The following PDK1 variants were observed in gnomAD, a reference collection of about 807,000 sequenced individuals.
The protein encoded by PDK1 is pyruvate dehydrogenase kinase 1, also known as [Pyruvate dehydrogenase (acetyl-transferring)] kinase isozyme 1, mitochondrial.
Under a neutral mutation model 54.2 loss-of-function variants are expected in PDK1, and 39 were observed. That is an observed-to-expected ratio of 0.72 (90% CI 0.56 to 0.94). The LOEUF (loss-of-function observed/expected upper bound fraction) is 0.94. Among genes scored for constraint, PDK1 ranks in the 40% least tolerant of loss-of-function variants. PDK1 has a pLI of 0.00. For missense variants in PDK1, 552 were observed against 566.0 expected (o/e 0.98, Z 0.25); for synonymous variants, 221 against 207.1 (o/e 1.07, Z -0.58).
chr2:172,617,377 C>G, the PDK1 span, among the ~76,000 whole-genome samples: 10 of 152,134 alleles, frequency 6.6e-5, no homozygotes, highest in East Asian at 1.9e-3. Flanking sequence ...ATATTCCCCT[C>G]TAGTCTATTT....
At position 172,602,689 on chromosome 2, in the gene PDK1, T is replaced by C. The variant is rs1363373624; in HGVS notation, c.*6720T>C. ...AACTCTGACCTAATATTTTGGAGCATAGAGGAAAGAAACATCTTATGTTTC... is the reference window on the plus strand; with the variant it reads ...AACTCTGACCTAATATTTTGGAGCACAGAGGAAAGAAACATCTTATGTTTC... On this transcript the variant is annotated 3_prime_UTR_variant, in exon 11 of 11. Coordinates refer to ENST00000282077, the MANE Select transcript of PDK1 (RefSeq NM_002610.5). 1 of 152,158 alleles carries C rather than the reference T, an allele frequency of 6.6e-6. No individual in the cohort carries two copies. The highest frequency in any genetic ancestry group is 1.5e-5 in the Non-Finnish European group (1 of 68,028). 9.4% of individuals were successfully genotyped at this position (152,158 alleles called of 1,614,324 possible).
chr2:172,623,080 G>A, the PDK1 span, among the ~76,000 whole-genome samples: 2 of 151,768 alleles, frequency 1.3e-5, no homozygotes, highest in Non-Finnish European at 2.9e-5. Context: ...AACCCAGGAG[G>A]TGGAGGTTGC....
chr2:172,650,685 T>C, the PDK1 span, among the ~76,000 whole-genome samples: 1 of 151,896 alleles, frequency 6.6e-6, no homozygotes, highest in South Asian at 2.1e-4. Context: ...GCAATCCTAG[T>C]CTCTGATAAA....
At chr2:172,677,654 C>T in the PDK1 span, 1 of 152,064 alleles carries the variant, frequency 6.6e-6, no homozygotes, top group African/African-American at 2.4e-5. Context: ...TTTCACAGCT[C>T]TGTTAAAGCA....
chr2:172,646,080 G>A, the PDK1 span, among the ~76,000 whole-genome samples: 1 of 152,184 alleles, frequency 6.6e-6, no homozygotes, highest in African/African-American at 2.4e-5. Context: ...TAATTGCACA[G>A]TGTGCACTGC....
At chr2:172,698,985 T>C in the PDK1 span, among the ~76,000 whole-genome samples, 3 of 152,196 alleles carry the variant, frequency 2.0e-5, no homozygotes, top group Non-Finnish European at 4.4e-5. Context: ...GTGCCTTGAC[T>C]CAAAATCTCC....
chr2:172,719,781 A>G, the PDK1 span, among the ~76,000 whole-genome samples: 1 of 151,900 alleles, frequency 6.6e-6, no homozygotes, highest in African/African-American at 2.4e-5. Context: ...TGCCTTCTCC[A>G]TTTAGAGCCT....
chr2:172,564,448 G>T, intron 3 of PDK1, 55 bp from the exon 4 acceptor site: 1 of 1,405,528 alleles, frequency 7.1e-7, no homozygotes, highest in Admixed American at 1.9e-5. Context: ...TTATATTTTT[G>T]TATTAAGTTT....
chr2:172,639,215 T>C, the PDK1 span, among the ~76,000 whole-genome samples: 1 of 152,172 alleles, frequency 6.6e-6, no homozygotes, highest in African/African-American at 2.4e-5. Context: ...TTTTTCCTGC[T>C]TTTGGAGCAA....
chr2:172,566,709 AAAAG>A (rs1181882287), intron 5 of PDK1, 143 bp from the exon 6 acceptor site: 8 of 515,952 alleles, frequency 1.6e-5, no homozygotes, highest in Non-Finnish European at 2.7e-5. Flanking sequence ...AAAAAAAAAA[AAAAG>A]CAGACTTTCA....
chr2:172,610,587 C>T (rs1010552422), downstream of PDK1, among the ~76,000 whole-genome samples: 6 of 152,082 alleles, frequency 3.9e-5, no homozygotes, highest in African/African-American at 1.2e-4. Flanking sequence ...AATCAATTTC[C>T]TACATCAAAT....
the PDK1 span, among the ~76,000 whole-genome samples, chr2:172,648,513 A>G: frequency 6.6e-6 from 1 of 152,154 alleles, no homozygotes; most frequent in Non-Finnish European, 1.5e-5. Flanking sequence ...CAGAGGGTGC[A>G]GCCCACAGAG....
chr2:172,694,149 G>A, the PDK1 span, among the ~76,000 whole-genome samples: 1 of 152,160 alleles, frequency 6.6e-6, no homozygotes, highest in Non-Finnish European at 1.5e-5. Flanking sequence ...TTCACCATAG[G>A]AAATGAATTC....
chr2:172,562,743 G>T, intron 3 of PDK1: 1 of 1,533,980 alleles, frequency 6.5e-7, no homozygotes, highest in East Asian at 2.2e-5. Flanking sequence ...AAACACAGAA[G>T]GCCTAGAAGA....
the PDK1 span, among the ~76,000 whole-genome samples, chr2:172,669,260 C>T: frequency 1.3e-5 from 2 of 151,746 alleles, no homozygotes; most frequent in Non-Finnish European, 2.9e-5. Flanking sequence ...GGGGTTTCAC[C>T]GTGGTCTCGA....
the PDK1 span, among the ~76,000 whole-genome samples, chr2:172,676,639 C>T: frequency 6.6e-6 from 1 of 152,162 alleles, no homozygotes; most frequent in South Asian, 2.1e-4. Flanking sequence ...TTGAGATGGA[C>T]TTTACTCCTG....
chr2:172,589,761 A>G (rs1250948316), intron 9 of PDK1, among the ~76,000 whole-genome samples: 1 of 152,228 alleles, frequency 6.6e-6, no homozygotes, highest in East Asian at 1.9e-4. Context: ...TTAGCATGCT[A>G]TATGGAATGT....
rs544834016 is a variant in PDK1 at position 172,560,887 on chromosome 2, A to C, written c.339-1333A>C. Among the ~76,000 whole-genome samples, 117 of 152,326 alleles carry C rather than the reference A, an allele frequency of 7.7e-4. No individual in the cohort carries two copies. In the Middle Eastern group the frequency reaches 0.014, roughly 18 times the overall value. ...TCAAACAAATGAGTTGCCCAGAGTT[A>C]AGTCTTAAATGGAAAAGGTTTAGCT... On this transcript the variant is annotated intron_variant, in intron 2 of 10. Coordinates refer to ENST00000282077, the MANE Select transcript of PDK1 (RefSeq NM_002610.5).
At chr2:172,591,399 G>A (rs1459941805) in intron 9 of PDK1, among the ~76,000 whole-genome samples, 1 of 152,210 alleles carries the variant, frequency 6.6e-6, no homozygotes. Flanking sequence ...CTAAGAAGGT[G>A]CAGAGTCCTC....
Sources: gnomAD v4.1 joint callset for allele counts (sites outside exome capture counted in the v4.1 genomes callset) on GRCh38, gnomAD v4.1.1 for gene constraint, MANE v1.5 for transcripts, NCBI Gene and HGNC (gene_info 2026-07-23, HGNC 2026-07-21) for gene names.